FOXP1: variants seen among roughly 807,000 people sequenced by gnomAD.
FOXP1 encodes the protein forkhead box P1, also known as forkhead box protein P1.
FOXP1 carries 15 observed loss-of-function variants against 98.2 expected under a neutral mutation model. The ratio of observed to expected loss-of-function variants is 0.15; its 90% confidence interval spans 0.10 to 0.24. The LOEUF is 0.24. FOXP1 is among the 10% of genes least tolerant of loss of function. The pLI, the probability that FOXP1 is intolerant of heterozygous loss-of-function variation, is 1.00. For missense variants in FOXP1, 633 were observed against 848.5 expected (o/e 0.75, Z 3.15); for synonymous variants, 371 against 314.5 (o/e 1.18, Z -1.90).
chr3:71,067,981 G>C (rs1020375339), intron 7 of FOXP1, among the ~76,000 whole-genome samples: 2 of 109,442 alleles, frequency 1.8e-5, no homozygotes, highest in African/African-American at 8.4e-5. Context: ...GCAGATACTG[G>C]ATAATTATAA....
chr3:71,064,916 G>T (rs1263239902), intron 7 of FOXP1: 54 of 540,772 alleles, frequency 1.0e-4, no homozygotes, highest in African/African-American at 1.0e-3. Context: ...CGGCGTGCAG[G>T]CGGACTGCAC....
chr3:71,095,093 G>C (rs2056324584), intron 7 of FOXP1, among the ~76,000 whole-genome samples: 2 of 152,222 alleles, frequency 1.3e-5, no homozygotes, highest in East Asian at 1.9e-4. Context: ...CTTAGAAATA[G>C]AGCTGCGTAG....
At chr3:71,192,923 T>C (rs571724276) in intron 6 of FOXP1, among the ~76,000 whole-genome samples, 2 of 152,298 alleles carry the variant, frequency 1.3e-5, no homozygotes, top group Non-Finnish European at 2.9e-5. Context: ...ATGGTGGGAT[T>C]ACAGGCATGA....
chr3:71,558,855 T>C, intron 2 of FOXP1, among the ~76,000 whole-genome samples: 1 of 142,010 alleles, frequency 7.0e-6, no homozygotes, highest in Non-Finnish European at 1.5e-5. Context: ...CAGGCTGGAG[T>C]GCACTGGTGC....
At chr3:70,963,352 C>G (rs7652300) in intron 20 of FOXP1, among the ~76,000 whole-genome samples, 4,364 of 152,286 alleles carry the variant, frequency 0.029, 189 homozygotes, top group African/African-American at 0.1. Context: ...GCAGATACCC[C>G]TGGGGTGTGG....
intron 5 of FOXP1, chr3:71,290,085 T>C (rs1034641905): frequency 1.3e-5 from 2 of 152,192 alleles, no homozygotes; most frequent in African/African-American, 4.8e-5. Context: ...CCACTTGGCA[T>C]CTTAGTCTGG....
intron 5 of FOXP1, among the ~76,000 whole-genome samples, chr3:71,232,887 A>AAAAAAAAAAAAAAAAAAAAAAAC: frequency 6.8e-6 from 1 of 146,274 alleles, no homozygotes; most frequent in African/African-American, 2.5e-5. Flanking sequence ...CAAAAAAAAA[A>AAAAAAAAAAAAAAAAAAAAAAAC]AAAAAAAAAG....
At chr3:71,067,409 C>T (rs1355912353) in intron 7 of FOXP1, among the ~76,000 whole-genome samples, 1 of 152,086 alleles carries the variant, frequency 6.6e-6, no homozygotes, top group Non-Finnish European at 1.5e-5. Flanking sequence ...CAGAAGACTT[C>T]GTTAAAACCA....
At chr3:71,093,209 G>T (rs1389181466) in intron 7 of FOXP1, among the ~76,000 whole-genome samples, 2 of 149,346 alleles carry the variant, frequency 1.3e-5, no homozygotes, top group African/African-American at 4.9e-5. Flanking sequence ...AGCCAAGATC[G>T]CACTAGTGCA....
intron 2 of FOXP1, among the ~76,000 whole-genome samples, chr3:71,559,785 T>C (rs1205301040): frequency 6.6e-6 from 1 of 151,810 alleles, no homozygotes; most frequent in East Asian, 2.0e-4. Flanking sequence ...AGGTCAAGGC[T>C]GCAGTGAGCC....
intron 2 of FOXP1, among the ~76,000 whole-genome samples, chr3:71,575,454 C>CATACACAAACACACACACAG (rs1559549485): frequency 6.6e-6 from 1 of 152,076 alleles, no homozygotes; most frequent in African/African-American, 2.4e-5. Context: ...CACACACACA[C>CATACACAAACACACACACAG]ATACACACAC....
At chr3:71,378,236 A>G (rs952068216) in intron 3 of FOXP1, among the ~76,000 whole-genome samples, 1 of 152,056 alleles carries the variant, frequency 6.6e-6, no homozygotes, top group African/African-American at 2.4e-5. Context: ...GGGAAATACT[A>G]GTATCAGTAA....
intron 11 of FOXP1, among the ~76,000 whole-genome samples, chr3:71,025,029 G>C (rs1484767675): frequency 1.3e-5 from 2 of 152,110 alleles, no homozygotes; most frequent in Non-Finnish European, 2.9e-5. Context: ...CATCTGCGTT[G>C]GATAAAGTTT....
chr3:71,147,988 TAGAA>T (rs1331463500), intron 6 of FOXP1, among the ~76,000 whole-genome samples: 1 of 152,144 alleles, frequency 6.6e-6, no homozygotes, highest in Non-Finnish European at 1.5e-5. Context: ...TGTCAGAACC[TAGAA>T]AGAAATTATA....
intron 5 of FOXP1, among the ~76,000 whole-genome samples, chr3:71,249,935 C>G (rs948009888): frequency 2.6e-5 from 4 of 152,136 alleles, no homozygotes; most frequent in Admixed American, 2.0e-4. Context: ...CTTTTCTGAA[C>G]GTAATCACAG....
chr3:71,285,019 GAAT>G (rs1361085203), intron 5 of FOXP1, among the ~76,000 whole-genome samples: 1 of 151,916 alleles, frequency 6.6e-6, no homozygotes, highest in Non-Finnish European at 1.5e-5. Context: ...AACATACATA[GAAT>G]ATTATAATGA....
intron 4 of FOXP1, among the ~76,000 whole-genome samples, chr3:71,328,514 G>A (rs180786244): frequency 6.0e-4 from 91 of 152,332 alleles, no homozygotes; most frequent in Admixed American, 3.0e-3. Flanking sequence ...TCATGCCTCA[G>A]AGGAACACAA....
At chr3:70,966,580 A>T (rs2034833932) in intron 19 of FOXP1, among the ~76,000 whole-genome samples, 1 of 152,148 alleles carries the variant, frequency 6.6e-6, no homozygotes, top group South Asian at 2.1e-4. Flanking sequence ...TCAATTTTTT[A>T]TCTCCTCCCA....
intron 11 of FOXP1, among the ~76,000 whole-genome samples, chr3:71,032,625 G>GGC (rs140514565): frequency 0.017 from 2,631 of 152,220 alleles, 30 homozygotes; most frequent in Non-Finnish European, 0.026. Flanking sequence ...TGAGCCAGTC[G>GGC]GCAGAGAGGT....
Sources: allele counts gnomAD v4.1 joint callset (sites outside exome capture counted in the v4.1 genomes callset), GRCh38; gene constraint gnomAD v4.1.1; transcripts MANE v1.5; gene names NCBI Gene and HGNC (gene_info 2026-07-23, HGNC 2026-07-21).